Variants in HECTD4 observed in about 807,000 individuals in gnomAD.
The protein encoded by HECTD4 is HECT domain E3 ubiquitin protein ligase 4.
A neutral mutation model predicts 471.5 loss-of-function variants in HECTD4; 114 were observed. The ratio of observed to expected loss-of-function variants is 0.24; its 90% confidence interval spans 0.21 to 0.28. HECTD4 has a LOEUF of 0.28. HECTD4 is among the 10% of genes least tolerant of loss of function. The pLI is 1.00. For missense variants in HECTD4, 3,866 were observed against 5,651.5 expected (o/e 0.68, Z 10.13); for synonymous variants, 2,012 against 2,256.0 (o/e 0.89, Z 3.07).
chr12:112,254,558 A>G (rs960119522), intron 21 of HECTD4, among the ~76,000 whole-genome samples: 2 of 152,206 alleles, frequency 1.3e-5, no homozygotes, highest in Non-Finnish European at 2.9e-5. Context: ...GTCCTCCCCA[A>G]AATTAATAAA....
chr12:112,162,087 G>C lies in HECTD4; in HGVS notation c.*300C>G. ...AACCAGCTGGGGCCTTATGGCATTA[G>C]AATCTGGTGGCCATGAGGGACAATG... is the stretch of plus-strand genomic sequence containing the variant. On this transcript the variant is annotated 3_prime_UTR_variant, in exon 76 of 76. Coordinates refer to ENST00000682272, the MANE Select transcript of HECTD4 (RefSeq NM_001388303.1). The surrounding 1 kb of genome is among the most constrained non-coding windows in gnomAD (Gnocchi z 5.2). The C allele has an allele frequency of 3.3e-6, 1 of 307,516 alleles. No homozygotes were observed. The highest frequency in any genetic ancestry group is 6.9e-5 in the East Asian group (1 of 14,440). The allele number at this position is 307,516 out of a possible 1,614,324, so 19.0% of individuals were successfully genotyped here. A position where few individuals can be genotyped will look rare whatever the true frequency, so the allele number is the denominator to read the frequency against.
rs1049572685 is a variant in HECTD4, at chr12:112,192,981, T to A, written c.9086+80A>T. The stretch of plus-strand genomic sequence containing the variant: ...GCATTAAAGAATCAGTGATTTGAAT[T>A]TTTTTCCTTGGCCAGTTTCACCAGA... On this transcript the variant is annotated intron_variant, in intron 58 of 75. Coordinates refer to ENST00000682272, the MANE Select transcript of HECTD4 (RefSeq NM_001388303.1). 3.2e-5 allele frequency: 50 copies of A among 1,555,258 alleles called. No homozygotes were observed. In the Admixed American group the frequency reaches 8.2e-4, roughly 26 times the overall value.
rs572570011 is a variant in HECTD4, at chr12:112,296,729, T to C, written c.1335+9335A>G. Reference sequence around the variant, plus strand: ...GTGCAGTGGATCTAGGTGCAGATGGTGTAGGTGCAGAGGGTATAGATGCAG... The same window carrying C: ...GTGCAGTGGATCTAGGTGCAGATGGCGTAGGTGCAGAGGGTATAGATGCAG... On this transcript the variant is annotated intron_variant, in intron 7 of 75. Coordinates refer to ENST00000682272, the MANE Select transcript of HECTD4 (RefSeq NM_001388303.1). Among the ~76,000 whole-genome samples the C allele has an allele frequency of 3.2e-3, 475 of 147,236 alleles. 1 individual carries two copies. The highest frequency in any genetic ancestry group is 5.1e-3 in the Non-Finnish European group (341 of 67,020).
At chr12:112,187,309 G>A (rs1333822835) in intron 60 of HECTD4, among the ~76,000 whole-genome samples, 1 of 152,126 alleles carries the variant, frequency 6.6e-6, no homozygotes, top group Non-Finnish European at 1.5e-5. Context: ...GTGGGCCAGA[G>A]TCCCAGAGCC....
Position 112,184,306 on chromosome 12 carries a change from C to CCCCCAGGCT in HECTD4, c.10651_10659dup (p.Ser3551_Gly3553dup). ...GCCGTCTCTGCATTGTCCAGGGGCT[C>CCCCCAGGCT]CCCCAGGCTGCCCAGGCTGCCCAGG... On this transcript the variant is annotated inframe_insertion, in exon 61 of 76. Coordinates refer to ENST00000682272, the MANE Select transcript of HECTD4 (RefSeq NM_001388303.1). This position sits in a 1 kb window ranked among gnomAD's most constrained non-coding sequence, Gnocchi z 9.1. 1 of 1,613,374 alleles carries CCCCCAGGCT rather than the reference C, an allele frequency of 6.2e-7. No homozygotes were observed. Among genetic ancestry groups the CCCCCAGGCT allele is most frequent in the Non-Finnish European group, 8.5e-7 (1 of 1,179,840 alleles).
chr12:112,171,091 G>T (rs778467364), intron 68 of HECTD4, 26 bp downstream of exon 68: 1 of 1,587,358 alleles, frequency 6.3e-7, no homozygotes, highest in African/African-American at 1.3e-5. Flanking sequence ...TCTTCCTGCA[G>T]GGCCAGGGCA....
chr12:112,236,270 G>T (rs1365090028), intron 35 of HECTD4, among the ~76,000 whole-genome samples: 1 of 152,166 alleles, frequency 6.6e-6, no homozygotes, highest in Non-Finnish European at 1.5e-5. Flanking sequence ...TAAGGGAGAG[G>T]GGAGAAGCAT....
intron 39 of HECTD4, 39 bp downstream of exon 39, chr12:112,231,474 G>T: frequency 6.3e-7 from 1 of 1,574,812 alleles, no homozygotes; most frequent in South Asian, 1.1e-5. Flanking sequence ...AAGTAAACCT[G>T]AGATGAGTGT....
In HECTD4 at chr12:112,229,795, T is replaced by A. The variant is rs1260474153; in HGVS notation, c.6422A>T (p.Lys2141Ile). 1 of 1,614,030 alleles carries A rather than the reference T, an allele frequency of 6.2e-7. No homozygotes were observed. The highest frequency in any genetic ancestry group is 1.7e-5 in the Admixed American group (1 of 60,024). The stretch of plus-strand genomic sequence containing the variant: ...TGCAATTCTCTGAAGTTTGGCAAGT[T>A]TCCTGCCACTGCTGCTGCCATTTTC... ...ILENGSSSGR[K>I]LAKLQRIARQ... Residue 2141 changes from lysine (K) to isoleucine (I), a missense_variant, in exon 41 of 76, where the codon AAA becomes ATA. Lys to Ile is a moderately radical substitution (Grantham distance 102). Around this residue, in one of 16 missense-constraint regions of HECTD4, gnomAD observed 617 missense variants for 915.1 expected, o/e 0.67. Coordinates refer to ENST00000682272, the MANE Select transcript of HECTD4 (RefSeq NM_001388303.1).
At chr12:112,271,539 T>G (rs1367339772) in intron 11 of HECTD4, among the ~76,000 whole-genome samples, 1 of 152,218 alleles carries the variant, frequency 6.6e-6, no homozygotes, top group East Asian at 1.9e-4. Context: ...AATCCGTAAC[T>G]TCAGTCTAAC....
Position 112,258,566 on chromosome 12 carries a change from C to T in HECTD4, c.3058G>A (p.Val1020Ile). ...TALLLKTQCP[V>I]FAEVGCSPCG... Reference sequence around the variant, plus strand: ...GGGGAACAGCCCACCTCAGCAAAAACCGGACACTGGGTTTTAAGCAGCAAC... The same window carrying T: ...GGGGAACAGCCCACCTCAGCAAAAATCGGACACTGGGTTTTAAGCAGCAAC... The change falls in exon 20 of 76, where the codon GTT becomes ATT. Residue 1020 changes from valine to isoleucine, a missense_variant. By Grantham distance (29) the Val-to-Ile change is conservative (BLOSUM62 3). This residue lies in a region of HECTD4 where 525 missense variants were observed against 672.6 expected (regional missense o/e 0.78). Transcript: ENST00000682272. The T allele has an allele frequency of 6.2e-7, 1 of 1,606,452 alleles. No individual in the cohort carries two copies. Among genetic ancestry groups the T allele is most frequent in the Non-Finnish European group, 8.5e-7 (1 of 1,177,088 alleles).
intron 1 of HECTD4, among the ~76,000 whole-genome samples, chr12:112,355,679 G>A (rs576049518): frequency 2.3e-4 from 35 of 152,044 alleles, no homozygotes; most frequent in Non-Finnish European, 4.6e-4. Context: ...CAGGAGAATC[G>A]CTTGAGCCCG....
chr12:112,212,805 T>G (rs780811292), intron 48 of HECTD4, among the ~76,000 whole-genome samples, 155 bp from the exon 49 acceptor site: 4 of 152,232 alleles, frequency 2.6e-5, no homozygotes, highest in African/African-American at 7.2e-5. Flanking sequence ...ATTTATTTAT[T>G]TATTTATTGA....
intron 4 of HECTD4, among the ~76,000 whole-genome samples, chr12:112,311,946 T>C (rs1362317740): frequency 1.3e-5 from 2 of 152,196 alleles, no homozygotes; most frequent in Non-Finnish European, 1.5e-5. Flanking sequence ...TTAAAAGCCT[T>C]GCCGCTTCTT....
chr12:112,229,356 A>AAACT (rs1241740848), intron 41 of HECTD4, among the ~76,000 whole-genome samples: 2 of 152,016 alleles, frequency 1.3e-5, no homozygotes, highest in South Asian at 2.1e-4. Flanking sequence ...ACAAACAAAC[A>AAACT]AACAAACTTG....
rs1481301576 is a variant in HECTD4 at position 112,381,448 on chromosome 12, A to T, written c.177+504T>A. On this transcript the variant is annotated intron_variant, in intron 1 of 75. Transcript: ENST00000682272. This position sits in a 1 kb window ranked among gnomAD's most constrained non-coding sequence, Gnocchi z 4.1. ...GCTGGATTGCCCATCGCGGACCCGC[A>T]GCTGCCACTACCCTCTCCCGGAAAA... 2.0e-5 allele frequency among the ~76,000 whole-genome samples: 3 copies of T among 152,204 alleles called. No homozygotes were observed. The highest frequency in any genetic ancestry group is 2.4e-5 in the African/African-American group (1 of 41,452).
At chr12:112,292,820 AGAC>A (rs1050653709) in intron 7 of HECTD4, among the ~76,000 whole-genome samples, 11 of 152,256 alleles carry the variant, frequency 7.2e-5, no homozygotes, top group African/African-American at 2.6e-4. Flanking sequence ...CAGGAGTTTG[AGAC>A]CATCCTGGGC....
intron 64 of HECTD4, among the ~76,000 whole-genome samples, chr12:112,177,809 G>C (rs1336293119): frequency 2.0e-5 from 3 of 152,224 alleles, no homozygotes; most frequent in Non-Finnish European, 4.4e-5. Context: ...CTGGGCATAT[G>C]TATAGAATTG....
chr12:112,281,437 T>C (rs763892667), intron 8 of HECTD4, among the ~76,000 whole-genome samples: 13 of 152,210 alleles, frequency 8.5e-5, no homozygotes, highest in Non-Finnish European at 1.5e-4. Flanking sequence ...TCAACAAGCA[T>C]TCTTTTAGTA....
Sources: allele counts gnomAD v4.1 joint callset (sites outside exome capture counted in the v4.1 genomes callset), GRCh38; gene constraint gnomAD v4.1.1; regional missense constraint gnomAD v4.1.1; non-coding constraint Gnocchi (gnomAD v3.1); transcripts MANE v1.5; gene names NCBI Gene and HGNC (gene_info 2026-07-23, HGNC 2026-07-21).